Variants in DPP6 observed in about 807,000 individuals in gnomAD.
DPP6 encodes dipeptidyl peptidase like 6, also known as A-type potassium channel modulatory protein DPP6.
In DPP6, 69 loss-of-function variants were observed where a neutral mutation model predicts 122.6. The observed-to-expected ratio is 0.56, with a 90% CI of 0.46 to 0.69. The LOEUF is 0.69. Ranked by LOEUF, DPP6 falls within the 30% of genes least tolerant of loss-of-function variation. The pLI is 0.00. For synonymous variants in DPP6, 418 were observed against 433.1 expected, an observed-to-expected ratio of 0.97 and a Z score of 0.43; for missense variants, 928 against 1,116.9, an observed-to-expected ratio of 0.83 and a Z score of 2.41.
intron 1 of DPP6, among the ~76,000 whole-genome samples, chr7:154,432,111 T>A (rs952651906): frequency 6.6e-6 from 1 of 152,164 alleles, no homozygotes; most frequent in African/African-American, 2.4e-5. Context: ...TTCAAAGAAA[T>A]GAAGAGCAAA....
the DPP6 span, among the ~76,000 whole-genome samples, chr7:153,865,888 T>C: frequency 6.8e-6 from 1 of 147,142 alleles, no homozygotes; most frequent in Admixed American, 6.9e-5. Context: ...CACCTATGAG[T>C]GAGAACATGT....
intron 1 of DPP6, among the ~76,000 whole-genome samples, chr7:153,970,221 T>C (rs1331424988): frequency 6.6e-6 from 1 of 152,180 alleles, no homozygotes; most frequent in African/African-American, 2.4e-5. Context: ...ATGATAAGTT[T>C]ATGTTTAACG....
At chr7:154,539,656 A>G (rs949034199) in intron 3 of DPP6, among the ~76,000 whole-genome samples, 2 of 152,136 alleles carry the variant, frequency 1.3e-5, no homozygotes, top group East Asian at 3.8e-4. Context: ...AAAAAGGCAT[A>G]AAAATTCTAG....
chr7:154,454,621 G>A (rs971623425), intron 2 of DPP6, among the ~76,000 whole-genome samples: 30 of 152,106 alleles, frequency 2.0e-4, no homozygotes, highest in Non-Finnish European at 7.4e-5. Flanking sequence ...CAAGAGTTAA[G>A]GGAGAAGGAA....
rs574188434 is a variant in DPP6, at chr7:153,900,281, GC to G, written c.51+12550del. On this transcript the variant is annotated intron_variant, in intron 1 of 25. Coordinates refer to the DPP6 transcript ENST00000404039. ...AGCCCTACAAACTTTTTCAACCTCTGCCCTAAAGCTGCTTTCAGATTTTCAG... is the reference window on the plus strand; with the variant it reads ...AGCCCTACAAACTTTTTCAACCTCTGCCTAAAGCTGCTTTCAGATTTTCAG... Among the ~76,000 whole-genome samples the G allele has an allele frequency of 1.4e-3, 213 of 148,684 alleles. 2 individuals are homozygous for G. The highest frequency in any genetic ancestry group is 4.7e-3 in the African/African-American group (189 of 40,376).
intron 6 of DPP6, among the ~76,000 whole-genome samples, chr7:154,643,189 T>C (rs945866996): frequency 6.6e-6 from 1 of 152,168 alleles, no homozygotes; most frequent in African/African-American, 2.4e-5. Context: ...ATTTCCCTCT[T>C]AAAAGAAGTA....
At chr7:154,130,623 T>G (rs1031923789) in intron 1 of DPP6, among the ~76,000 whole-genome samples, 1 of 152,138 alleles carries the variant, frequency 6.6e-6, no homozygotes, top group Non-Finnish European at 1.5e-5. Flanking sequence ...ACTTTGCACA[T>G]CATTGTGTTT....
chr7:154,729,047 T>A (rs1842208544), intron 8 of DPP6, among the ~76,000 whole-genome samples: 1 of 152,164 alleles, frequency 6.6e-6, no homozygotes, highest in Non-Finnish European at 1.5e-5. Flanking sequence ...AGATGAGGCA[T>A]GGTTAGGTTA....
chr7:154,154,427 T>C (rs1239025725), intron 1 of DPP6, among the ~76,000 whole-genome samples: 1 of 152,234 alleles, frequency 6.6e-6, no homozygotes, highest in Non-Finnish European at 1.5e-5. Flanking sequence ...ATGAAACCCA[T>C]CCACTCCTTC....
chr7:154,229,018 G>GGAGT (rs1399690897), intron 1 of DPP6, among the ~76,000 whole-genome samples: 2 of 152,200 alleles, frequency 1.3e-5, no homozygotes, highest in African/African-American at 4.8e-5. Context: ...TTTGATGAGA[G>GGAGT]GAGTGAGTAG....
chr7:153,852,198 T>C, the DPP6 span, among the ~76,000 whole-genome samples: 3 of 152,022 alleles, frequency 2.0e-5, no homozygotes, highest in East Asian at 1.9e-4. Flanking sequence ...TGTGCTGGAG[T>C]GGTTCATTCT....
At chr7:154,583,985 G>A (rs933106026) in intron 5 of DPP6, among the ~76,000 whole-genome samples, 9 of 152,104 alleles carry the variant, frequency 5.9e-5, no homozygotes, top group African/African-American at 2.2e-4. Context: ...CCATCCCCCT[G>A]CCTTTGGGAT....
chr7:154,435,363 C>T (rs1004278506), intron 1 of DPP6, among the ~76,000 whole-genome samples: 6 of 152,150 alleles, frequency 3.9e-5, no homozygotes, highest in Admixed American at 1.3e-4. Context: ...ACTGGGCCAA[C>T]GCTTTCCCAC....
rs185674322 is a variant in DPP6, at chr7:154,650,019, A to C, written c.680+12146A>C. Among the ~76,000 whole-genome samples, 201 of 152,262 alleles carry C rather than the reference A, an allele frequency of 1.3e-3. 1 individual carries two copies. The highest frequency in any genetic ancestry group is 4.5e-3 in the African/African-American group (188 of 41,558). ...CCTCCTAAGGAAGAGCAAAAGAAAT[A>C]AAACAGATTCAAAACTGTGGGCCTG... On this transcript the variant is annotated intron_variant, in intron 6 of 25. Coordinates refer to ENST00000377770, the MANE Select transcript of DPP6 (RefSeq NM_130797.4).
At position 154,719,898 on chromosome 7, in the gene DPP6, CTG is replaced by C. The variant is rs1234041424; in HGVS notation, c.763-7866_763-7865del. Among the ~76,000 whole-genome samples the C allele has an allele frequency of 3.3e-5, 5 of 152,326 alleles. No individual in the cohort carries two copies. In the East Asian group the frequency reaches 9.7e-4, roughly 29 times the overall value. ...TCAGCATCAACGTGAAGGCCTCTGT[CTG>C]TGGGTTTCAGGGGGTGCCAGGGACC... On this transcript the variant is annotated intron_variant, in intron 7 of 25. Transcript: ENST00000377770.
At chr7:154,076,657 T>A (rs1399900022) in intron 1 of DPP6, among the ~76,000 whole-genome samples, 1 of 150,904 alleles carries the variant, frequency 6.6e-6, no homozygotes, top group Non-Finnish European at 1.5e-5. Flanking sequence ...GGATCACAGA[T>A]TGAGAGGAGA....
intron 1 of DPP6, among the ~76,000 whole-genome samples, chr7:154,182,898 G>T (rs1304846054): frequency 1.3e-5 from 2 of 152,068 alleles, no homozygotes; most frequent in South Asian, 4.1e-4. Flanking sequence ...ATAGGTTCTT[G>T]GTTCTCATTC....
At chr7:154,270,300 A>G (rs1031928075) in intron 1 of DPP6, among the ~76,000 whole-genome samples, 4 of 152,222 alleles carry the variant, frequency 2.6e-5, no homozygotes, top group African/African-American at 7.2e-5. Context: ...TGCATAAACA[A>G]TGTCTCACAT....
chr7:154,413,937 T>C (rs139237601), intron 1 of DPP6, among the ~76,000 whole-genome samples: 1 of 152,334 alleles, frequency 6.6e-6, no homozygotes, highest in African/African-American at 2.4e-5. Flanking sequence ...TCTTTTATCA[T>C]TTCTGTAGTA....
Sources: allele counts gnomAD v4.1 joint callset (sites outside exome capture counted in the v4.1 genomes callset), GRCh38; gene constraint gnomAD v4.1.1; transcripts MANE v1.5; gene names NCBI Gene and HGNC (gene_info 2026-07-23, HGNC 2026-07-21).